CNTNAP2: variants seen among roughly 807,000 people sequenced by gnomAD.
CNTNAP2 encodes contactin associated protein 2.
A neutral mutation model predicts 155.2 loss-of-function variants in CNTNAP2; 98 were observed. The ratio of observed to expected loss-of-function variants is 0.63; its 90% CI spans 0.54 to 0.75. The LOEUF (loss-of-function observed/expected upper bound fraction) is 0.75. Among genes scored for constraint, CNTNAP2 ranks in the 30% least tolerant of loss-of-function variants. The pLI is 0.00. For synonymous variants in CNTNAP2, 651 were observed against 631.2 expected (o/e 1.03, Z -0.47); for missense variants, 1,727 against 1,688.1 (o/e 1.02, Z -0.40).
At chr7:146,973,310 G>A (rs1797841677) in intron 3 of CNTNAP2, among the ~76,000 whole-genome samples, 1 of 152,136 alleles carries the variant, frequency 6.6e-6, no homozygotes, top group Non-Finnish European at 1.5e-5. Flanking sequence ...TTACAGGCGT[G>A]AGCCACCGCG....
At chr7:147,619,192 G>GT (rs2116889720) in intron 12 of CNTNAP2, among the ~76,000 whole-genome samples, 1 of 152,302 alleles carries the variant, frequency 6.6e-6, no homozygotes, top group African/African-American at 2.4e-5. Context: ...AAAAGCATTA[G>GT]TTAATCCGTG....
At chr7:146,198,672 A>G (rs1264532349) in intron 1 of CNTNAP2, among the ~76,000 whole-genome samples, 1 of 152,188 alleles carries the variant, frequency 6.6e-6, no homozygotes, top group African/African-American at 2.4e-5. Context: ...CTTCATCCTA[A>G]GAAAAATTCC....
chr7:147,487,634 C>T (rs1406285), intron 11 of CNTNAP2, among the ~76,000 whole-genome samples: 121,301 of 152,064 alleles, frequency 0.8, 48,990 homozygotes, highest in African/African-American at 0.93. Flanking sequence ...ATGGCTTTTA[C>T]ATTGAACTGA....
intron 13 of CNTNAP2, among the ~76,000 whole-genome samples, chr7:147,761,574 G>A (rs767084376): frequency 1.1e-4 from 17 of 152,296 alleles, no homozygotes; most frequent in Admixed American, 3.9e-4. Context: ...CCCCAGTGCT[G>A]TAGAAGGCTC....
intron 8 of CNTNAP2, among the ~76,000 whole-genome samples, chr7:147,250,678 A>T (rs1804178290): frequency 6.6e-6 from 1 of 151,998 alleles, no homozygotes. Flanking sequence ...GAAGGTGATG[A>T]TCTAAAAGAA....
intron 15 of CNTNAP2, among the ~76,000 whole-genome samples, chr7:148,053,095 C>T (rs984241125): frequency 4.6e-5 from 7 of 152,052 alleles, no homozygotes; most frequent in Non-Finnish European, 8.8e-5. Flanking sequence ...AGACTATTAA[C>T]ATGGAAGCAT....
intron 15 of CNTNAP2, among the ~76,000 whole-genome samples, chr7:147,999,318 C>G (rs574810619): frequency 5.3e-5 from 8 of 152,100 alleles, no homozygotes; most frequent in Non-Finnish European, 8.8e-5. Context: ...TCAGGTGATC[C>G]GCCCACCTCG....
chr7:146,233,102 A>G (rs1799413356), intron 1 of CNTNAP2, among the ~76,000 whole-genome samples: 1 of 152,176 alleles, frequency 6.6e-6, no homozygotes, highest in East Asian at 1.9e-4. Context: ...AAATCCTATC[A>G]AATGAGTAAT....
At chr7:146,517,958 A>C (rs1797565163) in intron 1 of CNTNAP2, among the ~76,000 whole-genome samples, 1 of 151,920 alleles carries the variant, frequency 6.6e-6, no homozygotes, top group African/African-American at 2.4e-5. Context: ...GTATTCTGAG[A>C]TCTACTATTA....
At chr7:147,946,257 A>T (rs1800818573) in intron 14 of CNTNAP2, among the ~76,000 whole-genome samples, 1 of 152,200 alleles carries the variant, frequency 6.6e-6, no homozygotes, top group Non-Finnish European at 1.5e-5. Flanking sequence ...TGGGCTTGGG[A>T]GAGCAGCAGG....
At chr7:147,506,147 A>T (rs1798902042) in intron 11 of CNTNAP2, among the ~76,000 whole-genome samples, 1 of 152,198 alleles carries the variant, frequency 6.6e-6, no homozygotes, top group Non-Finnish European at 1.5e-5. Flanking sequence ...AGAGGAAGGC[A>T]TGGCCAGGCA....
chr7:147,718,483 A>G (rs552530301), intron 13 of CNTNAP2, among the ~76,000 whole-genome samples: 4 of 152,116 alleles, frequency 2.6e-5, no homozygotes, highest in Non-Finnish European at 5.9e-5. Context: ...CAGTTTTTGC[A>G]TAAGAATCAC....
intron 1 of CNTNAP2, among the ~76,000 whole-genome samples, chr7:146,501,020 T>G (rs1396673993): frequency 6.6e-6 from 1 of 152,124 alleles, no homozygotes; most frequent in African/African-American, 2.4e-5. Flanking sequence ...ATATACTATA[T>G]TCATTGATTT....
chr7:147,580,987 A>G (rs547345590), intron 12 of CNTNAP2, among the ~76,000 whole-genome samples: 2 of 152,322 alleles, frequency 1.3e-5, no homozygotes, highest in East Asian at 3.9e-4. Context: ...ATCATCCTCA[A>G]TAAAGTTCTA....
chr7:147,195,389 G>A (rs1338825416), intron 8 of CNTNAP2, among the ~76,000 whole-genome samples: 1 of 152,076 alleles, frequency 6.6e-6, no homozygotes, highest in African/African-American at 2.4e-5. Context: ...GCTTAGGATT[G>A]TCTTGGCTCT....
At chr7:147,495,664 A>G (rs1798692998) in intron 11 of CNTNAP2, among the ~76,000 whole-genome samples, 1 of 152,218 alleles carries the variant, frequency 6.6e-6, no homozygotes, top group South Asian at 2.1e-4. Context: ...GATTTGAATC[A>G]TGGGTGAAGC....
chr7:147,605,988 A>T (rs1801055753), intron 12 of CNTNAP2, among the ~76,000 whole-genome samples: 1 of 151,678 alleles, frequency 6.6e-6, no homozygotes, highest in African/African-American at 2.4e-5. Context: ...TGTTGTTCCC[A>T]TAATAGTGAG....
chr7:147,003,205 A>C (rs541526194), intron 3 of CNTNAP2, among the ~76,000 whole-genome samples: 18 of 152,152 alleles, frequency 1.2e-4, no homozygotes, highest in African/African-American at 4.3e-4. Flanking sequence ...GCTGTATAGC[A>C]TGACTAGAGC....
intron 19 of CNTNAP2, among the ~76,000 whole-genome samples, chr7:148,217,747 G>A (rs1585194944): frequency 6.6e-6 from 1 of 152,348 alleles, no homozygotes; most frequent in East Asian, 1.9e-4. Flanking sequence ...TGTTGGTGAG[G>A]CATGTTGCGT....
Sources: gnomAD v4.1 joint callset for allele counts (sites outside exome capture counted in the v4.1 genomes callset) on GRCh38, gnomAD v4.1.1 for gene constraint, MANE v1.5 for transcripts, NCBI Gene and HGNC (gene_info 2026-07-23, HGNC 2026-07-21) for gene names.